LGI3: variants seen among roughly 807,000 people sequenced by gnomAD.
LGI3 encodes the protein leucine rich repeat LGI family member 3.
A neutral mutation model predicts 55.4 loss-of-function variants in LGI3; 47 were observed. The ratio of observed to expected loss-of-function variants is 0.85; its 90% CI spans 0.67 to 1.08. The LOEUF is 1.08. Among genes scored for constraint, LGI3 ranks in the 50% least tolerant of loss-of-function variants. The pLI, the probability that LGI3 is intolerant of heterozygous loss-of-function variation, is 0.00. For missense variants in LGI3, 664 were observed against 726.3 expected, an observed-to-expected ratio of 0.91 and a Z score of 0.99; for synonymous variants, 326 against 315.0, an observed-to-expected ratio of 1.04 and a Z score of -0.37.
intron 1 of LGI3, among the ~76,000 whole-genome samples, chr8:22,155,985 C>T (rs2131798441): frequency 6.6e-6 from 1 of 152,364 alleles, no homozygotes; most frequent in African/African-American, 2.4e-5. Context: ...CCTGCTCTGG[C>T]CGCCACTCTC....
At position 22,148,518 on chromosome 8, in the gene LGI3, C is replaced by A. The variant is rs749975755; in HGVS notation, c.1289G>T (p.Arg430Leu). The A allele has an allele frequency of 1.9e-6, 3 of 1,613,578 alleles. No homozygotes were observed. Among genetic ancestry groups the A allele is most frequent in the Non-Finnish European group, 2.5e-6 (3 of 1,180,002 alleles). Residue 430 changes from arginine (R) to leucine (L), a missense_variant, in exon 8 of 8, where the codon CGT becomes CTT. Coordinates refer to ENST00000306317, the MANE Select transcript of LGI3 (RefSeq NM_139278.4). The surrounding 1 kb of genome is among the most constrained non-coding windows in gnomAD (Gnocchi z 7.0). ...GCACAGGTAGCTGTCGCGGCCGGCA[C>A]GAAAGTGTTTCACAGCTTGGGCATC... is the stretch of plus-strand genomic sequence containing the variant. ...VPDAQAVKHF[R>L]AGRDSYLCLS...
rs1204683631 is a variant in LGI3, at chr8:22,148,894, T to C, written c.913A>G (p.Ile305Val). 4 of 1,614,056 alleles carry C rather than the reference T, an allele frequency of 2.5e-6. No homozygotes were observed. The highest frequency in any genetic ancestry group is 2.2e-5 in the East Asian group (1 of 44,868). ...VVAQLFGGSY[I>V]YHWDPNTTRF... is the part of the protein sequence containing the mutation. ...GTGGTGTTGGGATCCCAGTGGTAAA[T>C]GTAAGAGCCGCCAAACAGCTGGGCC... Residue 305 changes from isoleucine to valine, a missense_variant, in exon 8 of 8, where the codon ATT (isoleucine) becomes GTT (valine). Transcript: ENST00000306317. The surrounding 1 kb of genome is among the most constrained non-coding windows in gnomAD (Gnocchi z 7.0).
chr8:22,151,441 C>T (rs374627761), intron 7 of LGI3, 48 bp downstream of exon 7: 48 of 1,583,910 alleles, frequency 3.0e-5, no homozygotes, highest in Non-Finnish European at 3.9e-5. Flanking sequence ...GAGCCCACTC[C>T]CCCCTCCCCC....
Position 22,148,617 on chromosome 8 carries a change from T to C in LGI3, c.1190A>G (p.Gln397Arg). ...KPRLIVSSSSQAPVIYQWSRT... is the reference protein window; with the variant it reads ...KPRLIVSSSSRAPVIYQWSRT... ...ACTCCACTGATAGATGACGGGTGCC[T>C]GGGAGCTGCTGGACACAATCAGCCG... Residue 397 changes from glutamine (Q) to arginine (R), a missense_variant, in exon 8 of 8, where the codon CAG becomes CGG. Coordinates refer to ENST00000306317, the MANE Select transcript of LGI3 (RefSeq NM_139278.4). The surrounding 1 kb of genome is among the most constrained non-coding windows in gnomAD (Gnocchi z 7.0). 6.2e-7 allele frequency: 1 copy of C among 1,613,902 alleles called. No individual in the cohort carries two copies. Among genetic ancestry groups the C allele is most frequent in the Non-Finnish European group, 8.5e-7 (1 of 1,180,000 alleles).
chr8:22,151,652 A>G lies in LGI3; in HGVS notation c.666T>C (p.Asp222=). The change falls in exon 7 of 8, where the codon GAT becomes GAC. Residue 222 remains aspartate (D), a splice_region_variant and synonymous_variant. Coordinates refer to ENST00000306317, the MANE Select transcript of LGI3 (RefSeq NM_139278.4). The part of the protein sequence containing the change: ...PLREFDCITT[D]FVLYQTLAFP... ...AGGCCAGGGTCTGGTACAACACAAA[A>G]TCTGCAAGATGAGAGGTGCGTTACT... 1 of 1,613,682 alleles carries G rather than the reference A, an allele frequency of 6.2e-7. No homozygotes were observed. The highest frequency in any genetic ancestry group is 8.5e-7 in the Non-Finnish European group (1 of 1,179,780).
chr8:22,153,965 TACAAG>T lies in LGI3; in HGVS notation c.492_494+2del. 1 of 1,613,674 alleles carries T rather than the reference TACAAG, an allele frequency of 6.2e-7. No homozygotes were observed. The highest frequency in any genetic ancestry group is 8.5e-7 in the Non-Finnish European group (1 of 1,179,898). On this transcript the variant is annotated splice_donor_variant and coding_sequence_variant, in exon 5 of 8. Coordinates refer to ENST00000306317, the MANE Select transcript of LGI3 (RefSeq NM_139278.4). LOFTEE classifies it high-confidence loss of function. ...GTTGGAAGAGGCAGGACTCAGGCCT[TACAAG>T]TCATTCAGGATGTCCAGGGGCCGGA...
At position 22,147,871 on chromosome 8, in the gene LGI3, G is replaced by A; in HGVS notation, c.*289C>T. 1 of 403,958 alleles carries A rather than the reference G, an allele frequency of 2.5e-6. No individual in the cohort carries two copies. The highest frequency in any genetic ancestry group is 4.5e-6 in the Non-Finnish European group (1 of 224,304). The allele number at this position is 403,958 out of a possible 1,614,324, so 25.0% of individuals were successfully genotyped here. ...CCCGCACCACTCGTGCATGAGACAG[G>A]GGGCAGAGCATGGGAAAGGCTGCAG... is the stretch of plus-strand genomic sequence containing the variant. On this transcript the variant is annotated 3_prime_UTR_variant, in exon 8 of 8. Transcript: ENST00000306317.
At position 22,147,685 on chromosome 8, in the gene LGI3, G is replaced by T; in HGVS notation, c.*475C>A. The T allele has an allele frequency of 5.9e-6, 1 of 170,246 alleles. No individual in the cohort carries two copies. Among genetic ancestry groups the T allele is most frequent in the Non-Finnish European group, 1.3e-5 (1 of 78,118 alleles). The allele number at this position is 170,246 out of a possible 1,614,324, so 10.5% of individuals were successfully genotyped here. On this transcript the variant is annotated 3_prime_UTR_variant, in exon 8 of 8. Transcript: ENST00000306317. The stretch of plus-strand genomic sequence containing the variant: ...CATGTGAGCATGCAGACGGGGTGGG[G>T]CAGGGGTGAGTGGCCCCGGGGAAGC...
At position 22,148,113 on chromosome 8, in the gene LGI3, C is replaced by T. The variant is rs1246812066; in HGVS notation, c.*47G>A. On this transcript the variant is annotated 3_prime_UTR_variant, in exon 8 of 8. Transcript: ENST00000306317. The surrounding 1 kb of genome is among the most constrained non-coding windows in gnomAD (Gnocchi z 7.0). Reference sequence around the variant, plus strand: ...ACGTGGTGCTCACAGAGGCCCCCACCCATCCTCCAGTGGCCACCCTGAGGA... The same window carrying T: ...ACGTGGTGCTCACAGAGGCCCCCACTCATCCTCCAGTGGCCACCCTGAGGA... The T allele has an allele frequency of 6.8e-7, 1 of 1,476,012 alleles. No individual in the cohort carries two copies. Among genetic ancestry groups the T allele is most frequent in the South Asian group, 1.3e-5 (1 of 74,976 alleles). The allele number at this position is 1,476,012 out of a possible 1,614,324, so 91.4% of individuals were successfully genotyped here.
At chr8:22,154,470 C>T (rs1827460468) in intron 3 of LGI3, 90 bp downstream of exon 3, 1 of 1,156,548 alleles carries the variant, frequency 8.6e-7, no homozygotes, top group African/African-American at 1.5e-5. Flanking sequence ...CTGCGGCATT[C>T]TCATCCACTC....
rs1827318464 is a variant in LGI3 at position 22,147,501 on chromosome 8, G to C, written c.*659C>G. 2 of 152,444 alleles carry C rather than the reference G, an allele frequency of 1.3e-5. No individual in the cohort carries two copies. The allele number at this position is 152,444 out of a possible 1,614,324, so 9.4% of individuals were successfully genotyped here. A position where few individuals can be genotyped will look rare whatever the true frequency, so the allele number is the denominator to read the frequency against. ...TCCGGGGGGGGCACGCTGGGGGTGA[G>C]CAGAGGGGGCCCCCTCCAAGCAGAG... On this transcript the variant is annotated 3_prime_UTR_variant, in exon 8 of 8. Coordinates refer to ENST00000306317, the MANE Select transcript of LGI3 (RefSeq NM_139278.4).
In LGI3 at chr8:22,156,697, C is replaced by T. The variant is rs542687694; in HGVS notation, c.-155G>A. 3 of 239,152 alleles carry T rather than the reference C, an allele frequency of 1.3e-5. No individual in the cohort carries two copies. The highest frequency in any genetic ancestry group is 4.6e-5 in the African/African-American group (2 of 43,510). The allele number at this position is 239,152 out of a possible 1,614,324, so 14.8% of individuals were successfully genotyped here. ...GCGGACTCCTCCTGCCCTCGGGCGC[C>T]GGCTGCGGTCCCCTCCCCTGCTCGC... On this transcript the variant is annotated 5_prime_UTR_variant, in exon 1 of 8. Transcript: ENST00000306317.
In LGI3 at chr8:22,148,179, A is replaced by G. The variant is rs1267017545; in HGVS notation, c.1628T>C (p.Val543Ala). 1.2e-6 allele frequency: 2 copies of G among 1,605,524 alleles called. No individual in the cohort carries two copies. The highest frequency in any genetic ancestry group is 1.7e-5 in the Admixed American group (1 of 58,704). Reference sequence around the variant, plus strand: ...CACCCCCTAGGCACTGAGATCCACCACAATGTGTCTATACACCAGCGTCTG... The same window carrying G: ...CACCCCCTAGGCACTGAGATCCACCGCAATGTGTCTATACACCAGCGTCTG... The part of the protein sequence containing the change: ...KGQTLVYRHI[V>A]VDLSA Residue 543 changes from valine to alanine, a missense_variant, in exon 8 of 8, where the codon GTG (valine) becomes GCG (alanine). Coordinates refer to ENST00000306317, the MANE Select transcript of LGI3 (RefSeq NM_139278.4). The surrounding 1 kb of genome is among the most constrained non-coding windows in gnomAD (Gnocchi z 7.0).
Position 22,151,326 on chromosome 8 carries a change from C to T in LGI3, c.829+163G>A, listed in dbSNP as rs551436086. On this transcript the variant is annotated intron_variant, in intron 7 of 7. Transcript: ENST00000306317. ...CACCTGCCTATCATATGGATGTTATCGGTGTATACATTGGCCTCTTCCCAA... is the reference window on the plus strand; with the variant it reads ...CACCTGCCTATCATATGGATGTTATTGGTGTATACATTGGCCTCTTCCCAA... Among the ~76,000 whole-genome samples, 7 of 152,246 alleles carry T rather than the reference C, an allele frequency of 4.6e-5. No homozygotes were observed. In the South Asian group the frequency reaches 1.2e-3, roughly 27 times the overall value.
intron 2 of LGI3, chr8:22,155,138 C>T: frequency 1.9e-6 from 1 of 534,316 alleles, no homozygotes; most frequent in Admixed American, 3.4e-5. Context: ...GTTTCCAGAG[C>T]AGCCAAGCCC....
In LGI3 at chr8:22,148,216, T is replaced by C. The variant is rs764265819; in HGVS notation, c.1591A>G (p.Ser531Gly). 2 of 1,613,794 alleles carry C rather than the reference T, an allele frequency of 1.2e-6. No individual in the cohort carries two copies. Among genetic ancestry groups the C allele is most frequent in the Non-Finnish European group, 1.7e-6 (2 of 1,179,914 alleles). ...TACACCAGCGTCTGTCCCTTGAAGC[T>C]GGGGGCCAGGAGTAGCTGGGCGTCC... ...AGDAQLLLAP[S>G]FKGQTLVYRH... The change falls in exon 8 of 8, where the codon AGC becomes GGC. Residue 531 changes from serine to glycine, a missense_variant. Coordinates refer to ENST00000306317, the MANE Select transcript of LGI3 (RefSeq NM_139278.4). The surrounding 1 kb of genome is among the most constrained non-coding windows in gnomAD (Gnocchi z 7.0).
Position 22,155,463 on chromosome 8 carries a change from C to T in LGI3, c.207G>A (p.Leu69=), listed in dbSNP as rs150204402. 7 of 1,613,488 alleles carry T rather than the reference C, an allele frequency of 4.3e-6. No homozygotes were observed. Among genetic ancestry groups the T allele is most frequent in the Non-Finnish European group, 5.9e-6 (7 of 1,179,916 alleles). The change falls in exon 2 of 8, where the codon CTG becomes CTA. Residue 69 remains leucine, a splice_region_variant and synonymous_variant. Coordinates refer to ENST00000306317, the MANE Select transcript of LGI3 (RefSeq NM_139278.4). ...CTGAGAAGGCGGCATTCACCAGGGT[C>T]CTGCGGGGACACCCGAGTCAGTACT... ...PRNLPSEVIS[L]TLVNAAFSEI...
chr8:22,152,535 A>G (rs1251826866), intron 5 of LGI3, among the ~76,000 whole-genome samples: 1 of 152,028 alleles, frequency 6.6e-6, no homozygotes, highest in Non-Finnish European at 1.5e-5. Context: ...CAAGGTCAAG[A>G]GTTTGAGACC....
At chr8:22,153,376 C>T (rs975743091) in intron 5 of LGI3, among the ~76,000 whole-genome samples, 1 of 151,350 alleles carries the variant, frequency 6.6e-6, no homozygotes, top group Non-Finnish European at 1.5e-5. Context: ...TGAGCCACCA[C>T]ACCCAGCCTT....
Sources: gnomAD v4.1 joint callset for allele counts (sites outside exome capture counted in the v4.1 genomes callset) on GRCh38, gnomAD v4.1.1 for gene constraint, Gnocchi (gnomAD v3.1) non-coding constraint, MANE v1.5 for transcripts, NCBI Gene and HGNC (gene_info 2026-07-23, HGNC 2026-07-21) for gene names.